The following SLC37A3 variants were observed in gnomAD, a reference collection of about 807,000 sequenced individuals.
SLC37A3 encodes solute carrier family 37 member 3.
In SLC37A3, 51 loss-of-function variants were observed where a neutral mutation model predicts 67.1. The ratio of observed to expected loss-of-function variants is 0.76; its 90% CI spans 0.61 to 0.96. The LOEUF (loss-of-function observed/expected upper bound fraction) is 0.96, where lower values mean the gene tolerates loss of function less well. Ranked by LOEUF, SLC37A3 falls within the 40% of genes least tolerant of loss-of-function variation. SLC37A3 has a pLI of 0.00. For missense variants in SLC37A3, 508 were observed against 603.0 expected (o/e 0.84, Z 1.65); for synonymous variants, 214 against 231.4 (o/e 0.92, Z 0.68).
At chr7:140,347,209 C>CCA (rs1299845821) in intron 10 of SLC37A3, among the ~76,000 whole-genome samples, 2 of 149,634 alleles carry the variant, frequency 1.3e-5, no homozygotes, top group Admixed American at 1.3e-4. Flanking sequence ...CAAGATCGTG[C>CCA]CACTCCAGCG....
At chr7:140,353,985 C>T (rs373305119) in intron 7 of SLC37A3, among the ~76,000 whole-genome samples, 1 of 152,206 alleles carries the variant, frequency 6.6e-6, no homozygotes, top group South Asian at 2.1e-4. Flanking sequence ...GCTGGGATTA[C>T]AGGCGTGAGC....
intron 1 of SLC37A3, among the ~76,000 whole-genome samples, chr7:140,393,830 T>G (rs1389115665): frequency 6.6e-6 from 1 of 152,142 alleles, no homozygotes; most frequent in Non-Finnish European, 1.5e-5. Flanking sequence ...GTCCTGAGTC[T>G]CACAGCCACA....
At chr7:140,346,594 G>T (rs923310996) in intron 10 of SLC37A3, among the ~76,000 whole-genome samples, 1 of 152,192 alleles carries the variant, frequency 6.6e-6, no homozygotes, top group African/African-American at 2.4e-5. Context: ...TAATTTGAAA[G>T]ATAATGAATT....
intron 7 of SLC37A3, among the ~76,000 whole-genome samples, chr7:140,353,275 G>T (rs536500723): frequency 1.6e-3 from 247 of 152,138 alleles, no homozygotes; most frequent in Non-Finnish European, 2.9e-3. Flanking sequence ...CTGAGGTCAG[G>T]AGTTCAAGAC....
At chr7:140,381,284 T>G (rs1585355565) in intron 2 of SLC37A3, among the ~76,000 whole-genome samples, 1 of 145,842 alleles carries the variant, frequency 6.9e-6, no homozygotes, top group Non-Finnish European at 1.5e-5. Context: ...GAGGCTGAGG[T>G]GGGAGGATTG....
chr7:140,360,568 T>C (rs1797225797), intron 5 of SLC37A3, among the ~76,000 whole-genome samples: 1 of 151,426 alleles, frequency 6.6e-6, no homozygotes, highest in Admixed American at 6.6e-5. Context: ...ACCCTGACTC[T>C]ACTAAAAATA....
Position 140,335,167 on chromosome 7 carries a change from G to C in SLC37A3, c.*245C>G. ...GAGTCAGAGGTCAAAGATGCTGGCAGAGTCAGAAGTCACTCGGCACATTCA... is the reference window on the plus strand; with the variant it reads ...GAGTCAGAGGTCAAAGATGCTGGCACAGTCAGAAGTCACTCGGCACATTCA... On this transcript the variant is annotated 3_prime_UTR_variant, in exon 15 of 15. Transcript: ENST00000326232. 6.6e-7 allele frequency: 1 copy of C among 1,510,560 alleles called. No homozygotes were observed. The highest frequency in any genetic ancestry group is 9.0e-7 in the Non-Finnish European group (1 of 1,111,478). 93.6% of individuals were successfully genotyped at this position (1,510,560 alleles called of 1,614,324 possible). A position where few individuals can be genotyped will look rare whatever the true frequency, so the allele number is the denominator to read the frequency against.
intron 1 of SLC37A3, among the ~76,000 whole-genome samples, chr7:140,397,095 G>C (rs1402623535): frequency 1.3e-5 from 2 of 148,798 alleles, no homozygotes; most frequent in Non-Finnish European, 3.0e-5. Flanking sequence ...AGCTACTCGG[G>C]AGGCTGAGGC....
rs1452865119 is a variant in SLC37A3 at position 140,372,040 on chromosome 7, C to T, written c.199-2358G>A. On this transcript the variant is annotated intron_variant, in intron 3 of 14. Coordinates refer to ENST00000326232, the MANE Select transcript of SLC37A3 (RefSeq NM_207113.3). ...CTAATTTTTGTATTTTTAGTAGAGA[C>T]GGGGTTTCACCATGTTGGTCAGGCT... is the stretch of plus-strand genomic sequence containing the variant. 7.2e-5 allele frequency among the ~76,000 whole-genome samples: 11 copies of T among 151,960 alleles called. No individual in the cohort carries two copies. The South Asian group carries it at 1.7e-3, about 23-fold the overall frequency.
chr7:140,347,758 C>CAA (rs11436762), intron 10 of SLC37A3, among the ~76,000 whole-genome samples: 9,098 of 139,438 alleles, frequency 0.065, 834 homozygotes, highest in African/African-American at 0.21. Context: ...CTAGCTACAG[C>CAA]AAAAAAAAAA....
At chr7:140,391,165 G>A (rs1038713630) in intron 1 of SLC37A3, among the ~76,000 whole-genome samples, 1 of 136,904 alleles carries the variant, frequency 7.3e-6, no homozygotes, top group Non-Finnish European at 1.6e-5. Flanking sequence ...CCTTCCTCTG[G>A]TATCATACCT....
intron 10 of SLC37A3, 72 bp from the exon 11 acceptor site, chr7:140,346,042 T>C: frequency 9.1e-7 from 1 of 1,096,458 alleles, no homozygotes; most frequent in Non-Finnish European, 1.4e-6. Flanking sequence ...GCTCCCCATT[T>C]GCCCTCTAGT....
At chr7:140,393,393 C>T (rs1442755497) in intron 1 of SLC37A3, among the ~76,000 whole-genome samples, 1 of 152,336 alleles carries the variant, frequency 6.6e-6, no homozygotes, top group East Asian at 1.9e-4. Context: ...CCCCACTGGG[C>T]AGCTGGGTGG....
chr7:140,395,361 C>T (rs139152367), intron 1 of SLC37A3, among the ~76,000 whole-genome samples: 7,032 of 118,016 alleles, frequency 0.06, 502 homozygotes, highest in Admixed American at 0.25. Flanking sequence ...GGTGACAAAG[C>T]GAGACTCCAT....
At position 140,359,321 on chromosome 7, in the gene SLC37A3, C is replaced by T. The variant is rs1189729139; in HGVS notation, c.376-536G>A. Among the ~76,000 whole-genome samples the T allele has an allele frequency of 2.1e-5, 3 of 142,568 alleles. No homozygotes were observed. In the East Asian group the frequency reaches 6.3e-4, roughly 30 times the overall value. 93.5% of individuals were successfully genotyped at this position (142,568 alleles called of 152,430 possible). A position where few individuals can be genotyped will look rare whatever the true frequency, so the allele number is the denominator to read the frequency against. On this transcript the variant is annotated intron_variant, in intron 5 of 14. Coordinates refer to ENST00000326232, the MANE Select transcript of SLC37A3 (RefSeq NM_207113.3). ...TCGTGCCACTGCACTCCAGCCTGCG[C>T]GGGAGTGCGAGACTCTGTCTCAAAA...
At chr7:140,335,561 C>A in intron 14 of SLC37A3, 57 bp from the exon 15 acceptor site, 1 of 1,578,672 alleles carries the variant, frequency 6.3e-7, no homozygotes, top group South Asian at 1.1e-5. Flanking sequence ...GTTAGAGTGT[C>A]ATGTTTTGAA....
chr7:140,382,438 C>T lies in SLC37A3; in HGVS notation c.89G>A (p.Ser30Asn). The change falls in exon 2 of 15, where the codon AGT (serine) becomes AAT (asparagine). Residue 30 changes from serine (S) to asparagine (N), a missense_variant and splice_region_variant. By Grantham distance (46) the Ser-to-Asn change is conservative (BLOSUM62 1). Transcript: ENST00000326232. ...HVVVFLLTFFSYSLLHASRKT... is the reference protein window; with the variant it reads ...HVVVFLLTFFNYSLLHASRKT... Reference sequence around the variant, plus strand: ...AGAGCAGCTTTGGCAACATGCTTACCTGAAGAAAGTGAGCAGGAACACTAC... The same window carrying T: ...AGAGCAGCTTTGGCAACATGCTTACTTGAAGAAAGTGAGCAGGAACACTAC... The T allele has an allele frequency of 6.2e-7, 1 of 1,613,708 alleles. No homozygotes were observed. Among genetic ancestry groups the T allele is most frequent in the Non-Finnish European group, 8.5e-7 (1 of 1,179,760 alleles).
chr7:140,337,258 T>A, intron 14 of SLC37A3, 26 bp downstream of exon 14: 1 of 1,537,032 alleles, frequency 6.5e-7, no homozygotes, highest in African/African-American at 1.4e-5. Context: ...AATGACTTTT[T>A]TTTTTTTAAA....
At chr7:140,393,091 CA>C (rs374730025) in intron 1 of SLC37A3, among the ~76,000 whole-genome samples, 5 of 147,692 alleles carry the variant, frequency 3.4e-5, no homozygotes, top group African/African-American at 4.9e-5. Context: ...GACTCCGTCC[CA>C]AAAAAAAAAC....
Sources: allele counts gnomAD v4.1 joint callset (sites outside exome capture counted in the v4.1 genomes callset), GRCh38; gene constraint gnomAD v4.1.1; transcripts MANE v1.5; gene names NCBI Gene and HGNC (gene_info 2026-07-23, HGNC 2026-07-21).